The following PDE4A variants were observed in gnomAD, a reference collection of about 807,000 sequenced individuals.
The protein encoded by PDE4A is 3',5'-cyclic-AMP phosphodiesterase 4A.
Under a neutral mutation model 73.9 loss-of-function variants are expected in PDE4A, and 21 were observed. The ratio of observed to expected loss-of-function variants is 0.28; its 90% CI spans 0.20 to 0.41. The LOEUF is 0.41. PDE4A is among the 10% of genes least tolerant of loss of function. PDE4A has a pLI of 1.00. For synonymous variants in PDE4A, 463 were observed against 505.4 expected (o/e 0.92, Z 1.13); for missense variants, 958 against 1,211.4 (o/e 0.79, Z 3.10).
At chr19:10,459,227 C>A (rs1356255919) in intron 8 of PDE4A, 173 bp from the exon 9 acceptor site, 8 of 1,166,932 alleles carry the variant, frequency 6.9e-6, no homozygotes, top group Middle Eastern at 2.0e-4. Context: ...ATTGCTTTCG[C>A]TATTTTGCAG....
At chr19:10,433,219 G>A (rs1041658842) in intron 1 of PDE4A, among the ~76,000 whole-genome samples, 1 of 152,028 alleles carries the variant, frequency 6.6e-6, no homozygotes, top group Admixed American at 6.6e-5. Flanking sequence ...ACCGTACTAG[G>A]TATGGGTCTC....
intron 12 of PDE4A, 90 bp downstream of exon 12, chr19:10,461,770 C>T: frequency 1.3e-6 from 2 of 1,585,618 alleles, no homozygotes; most frequent in Non-Finnish European, 1.7e-6. Flanking sequence ...CAGAGGAACC[C>T]TCAACCTGGA....
chr19:10,448,118 T>C (rs2043037834), intron 2 of PDE4A, among the ~76,000 whole-genome samples: 2 of 151,190 alleles, frequency 1.3e-5, no homozygotes, highest in African/African-American at 4.9e-5. Flanking sequence ...TTTTTTTTTT[T>C]GAGATGGAAT....
intron 2 of PDE4A, among the ~76,000 whole-genome samples, chr19:10,447,029 G>T (rs11878725): frequency 6.6e-6 from 1 of 150,560 alleles, no homozygotes; most frequent in African/African-American, 2.4e-5. Flanking sequence ...TTCCCGAGTA[G>T]TTGGGACTAC....
chr19:10,433,495 A>G (rs944342259), intron 1 of PDE4A, among the ~76,000 whole-genome samples: 3 of 152,172 alleles, frequency 2.0e-5, no homozygotes, highest in African/African-American at 4.8e-5. Flanking sequence ...CTGTCACAGT[A>G]TCAGTGCGAC....
chr19:10,427,954 C>T (rs2042738004), intron 1 of PDE4A: 1 of 408,362 alleles, frequency 2.4e-6, no homozygotes, highest in South Asian at 1.0e-4. Context: ...AATATCATGT[C>T]ACTTGCACTG....
intron 1 of PDE4A, among the ~76,000 whole-genome samples, chr19:10,423,531 C>T (rs1435996827): frequency 2.6e-5 from 4 of 152,108 alleles, no homozygotes; most frequent in Non-Finnish European, 4.4e-5. Flanking sequence ...AACGCAGGTC[C>T]GCCCAATTCC....
chr19:10,457,843 T>G (rs4804134), intron 7 of PDE4A, 36 bp from the exon 8 acceptor site: 685,601 of 1,609,468 alleles, frequency 0.43, 150,304 homozygotes, highest in African/African-American at 0.7. Context: ...GGTGGAAGGG[T>G]TGTTCACACT....
At chr19:10,447,991 C>A (rs1311410974) in intron 2 of PDE4A, among the ~76,000 whole-genome samples, 1 of 152,152 alleles carries the variant, frequency 6.6e-6, no homozygotes. Flanking sequence ...CTTGGAAGCT[C>A]ACACTCATAA....
intron 1 of PDE4A, among the ~76,000 whole-genome samples, chr19:10,444,119 G>T (rs544986150): frequency 6.6e-6 from 1 of 151,882 alleles, no homozygotes; most frequent in Non-Finnish European, 1.5e-5. Context: ...GGTGGCTCAC[G>T]CCTGTAATCA....
rs116164740 is a variant in PDE4A at position 10,432,965 on chromosome 19, C to T, written c.320+11881C>T. On this transcript the variant is annotated intron_variant, in intron 1 of 14. Transcript: ENST00000380702. The stretch of plus-strand genomic sequence containing the variant: ...TCAGTGTCTCCAGCCTTACCTTCCC[C>T]ACCCCCTCTCATGCTGGAGCTGCCA... Among the ~76,000 whole-genome samples the T allele has an allele frequency of 7.0e-3, 1,069 of 152,250 alleles. 17 individuals carry two copies. The highest frequency in any genetic ancestry group is 0.024 in the African/African-American group (993 of 41,528).
At chr19:10,431,455 C>A (rs1229228218) in intron 1 of PDE4A, among the ~76,000 whole-genome samples, 3 of 152,252 alleles carry the variant, frequency 2.0e-5, no homozygotes, top group Admixed American at 6.5e-5. Flanking sequence ...GGTGGCCTTG[C>A]GGTGAGGCTT....
At chr19:10,432,313 C>T in intron 1 of PDE4A, 2 of 1,235,940 alleles carry the variant, frequency 1.6e-6, no homozygotes, top group Non-Finnish European at 2.0e-6. Flanking sequence ...GGGGGGGTCA[C>T]CAGAGGCGTG....
In PDE4A at chr19:10,459,726, C is replaced by T. The variant is rs1453151011; in HGVS notation, c.1332C>T (p.Ser444=). The T allele has an allele frequency of 4.3e-6, 7 of 1,613,686 alleles. No homozygotes were observed. The highest frequency in any genetic ancestry group is 5.9e-6 in the Non-Finnish European group (7 of 1,179,686). Residue 444 remains serine (S), a synonymous_variant, in exon 10 of 15, where the codon TCC becomes TCT. Coordinates refer to ENST00000380702, the MANE Select transcript of PDE4A (RefSeq NM_001111307.2). ...TGCACGCAGCTGACGTGCTGCAGTC[C>T]ACCCACGTACTGCTGGCCACGCCTG... The part of the protein sequence containing the change: ...NSLHAADVLQ[S]THVLLATPAL...
chr19:10,454,406 G>A (rs1025537068), intron 6 of PDE4A, among the ~76,000 whole-genome samples: 1 of 152,222 alleles, frequency 6.6e-6, no homozygotes, highest in Middle Eastern at 3.2e-3. Flanking sequence ...AGGGGCCTCC[G>A]GCTTGCCCCC....
Position 10,439,946 on chromosome 19 carries a change from T to G in PDE4A, c.321-6272T>G, listed in dbSNP as rs57967418. On this transcript the variant is annotated intron_variant, in intron 1 of 14. Coordinates refer to ENST00000380702, the MANE Select transcript of PDE4A (RefSeq NM_001111307.2). ...AAGATCTTCAAAAGTAAAAGGCCCT[T>G]CAGGAACCATCCTAATAGGCGTGAC... is the stretch of plus-strand genomic sequence containing the variant. Among the ~76,000 whole-genome samples the G allele has an allele frequency of 7.4e-3, 1,116 of 150,906 alleles. 11 individuals carry two copies. The highest frequency in any genetic ancestry group is 0.024 in the African/African-American group (980 of 41,038).
chr19:10,459,868 C>T lies in PDE4A; in HGVS notation c.1365+109C>T, dbSNP rs1026831196. 16 of 1,244,002 alleles carry T rather than the reference C, an allele frequency of 1.3e-5. No individual in the cohort carries two copies. In the African/African-American group the frequency reaches 1.7e-4, roughly 13 times the overall value. The allele number at this position is 1,244,002 out of a possible 1,614,324, so 77.1% of individuals were successfully genotyped here. On this transcript the variant is annotated intron_variant, in intron 10 of 14. Transcript: ENST00000380702. ...GTCTCTGACCTCCATCTCTCTTTGACGCCATTTCTCTCTCTTTTTTTTTTC... is the reference window on the plus strand; with the variant it reads ...GTCTCTGACCTCCATCTCTCTTTGATGCCATTTCTCTCTCTTTTTTTTTTC...
At chr19:10,465,683 CTTTTTTTTTTTTTTTTT>C (rs749126870) in intron 14 of PDE4A, among the ~76,000 whole-genome samples, 6 of 48,382 alleles carry the variant, frequency 1.2e-4, no homozygotes, top group South Asian at 1.0e-3. Context: ...GTGGCTTTAG[CTTTTTTTTTTTTTTTTT>C]TTTTTTTTTT....
chr19:10,451,954 A>T (rs1296776263), intron 6 of PDE4A, among the ~76,000 whole-genome samples: 1 of 150,866 alleles, frequency 6.6e-6, no homozygotes, highest in Non-Finnish European at 1.5e-5. Flanking sequence ...TGTGTCCCTG[A>T]GGGTGGATCA....
Sources: allele counts gnomAD v4.1 joint callset (sites outside exome capture counted in the v4.1 genomes callset), GRCh38; gene constraint gnomAD v4.1.1; transcripts MANE v1.5; gene names NCBI Gene and HGNC (gene_info 2026-07-23, HGNC 2026-07-21).